OPCML: variants seen among roughly 807,000 people sequenced by gnomAD.
OPCML encodes opioid-binding protein/cell adhesion molecule.
In OPCML, 13 loss-of-function variants were observed where a neutral mutation model predicts 37.8. The ratio of observed to expected loss-of-function variants is 0.34; its 90% CI spans 0.22 to 0.55. The LOEUF is 0.55. OPCML is among the 20% of genes least tolerant of loss of function. The pLI, the probability that OPCML is intolerant of heterozygous loss-of-function variation, is 0.91. For synonymous variants in OPCML, 176 were observed against 168.8 expected, an observed-to-expected ratio of 1.04 and a Z score of -0.33; for missense variants, 341 against 435.6, an observed-to-expected ratio of 0.78 and a Z score of 1.93.
intron 3 of OPCML, among the ~76,000 whole-genome samples, chr11:132,562,620 C>A (rs534630851): frequency 1.3e-5 from 2 of 151,946 alleles, no homozygotes; most frequent in African/African-American, 4.8e-5. Context: ...GTGTTTAATA[C>A]CCCAGTGTGC....
intron 2 of OPCML, among the ~76,000 whole-genome samples, chr11:132,864,197 C>T (rs552974074): frequency 2.6e-5 from 4 of 152,308 alleles, no homozygotes; most frequent in South Asian, 2.1e-4. Flanking sequence ...CTCGGCCTCT[C>T]ATAGTGCTGG....
chr11:132,444,483 C>G (rs1285605265), intron 4 of OPCML, among the ~76,000 whole-genome samples: 1 of 152,186 alleles, frequency 6.6e-6, no homozygotes, highest in Non-Finnish European at 1.5e-5. Flanking sequence ...TAACCTGAGT[C>G]TTGTACTGTT....
At chr11:133,189,499 T>C (rs1403907937) in intron 1 of OPCML, among the ~76,000 whole-genome samples, 1 of 152,200 alleles carries the variant, frequency 6.6e-6, no homozygotes, top group Non-Finnish European at 1.5e-5. Context: ...AGTTAAATCT[T>C]ACCTGATAAA....
intron 4 of OPCML, among the ~76,000 whole-genome samples, chr11:132,521,530 T>A (rs962474080): frequency 1.4e-4 from 21 of 151,636 alleles, no homozygotes; most frequent in Non-Finnish European, 1.2e-4. Flanking sequence ...CTCAGCAAAC[T>A]AACACAGGAA....
rs758753834 is a variant in OPCML, at chr11:133,532,335, C to T, written c.-11G>A. On this transcript the variant is annotated 5_prime_UTR_variant, in exon 1 of 8. Coordinates refer to ENST00000524381, the MANE Select transcript of OPCML (RefSeq NM_001012393.5). Reference sequence around the variant, plus strand: ...GGCAGGATGGTACATCTCGACGCTGCGGTGCTCTCAGCTGCCGGGCTTGCT... The same window carrying T: ...GGCAGGATGGTACATCTCGACGCTGTGGTGCTCTCAGCTGCCGGGCTTGCT... The T allele has an allele frequency of 5.0e-6, 8 of 1,612,500 alleles. No individual in the cohort carries two copies. The highest frequency in any genetic ancestry group is 1.3e-5 in the African/African-American group (1 of 74,872).
intron 2 of OPCML, among the ~76,000 whole-genome samples, chr11:132,834,608 C>T (rs1940903290): frequency 9.9e-5 from 15 of 152,210 alleles, no homozygotes. Flanking sequence ...AGACTGTCTT[C>T]CCTCTGAGTC....
chr11:132,538,543 A>G (rs756432638), intron 3 of OPCML, among the ~76,000 whole-genome samples: 2 of 152,190 alleles, frequency 1.3e-5, no homozygotes, highest in Non-Finnish European at 2.9e-5. Flanking sequence ...TTAATAAAGG[A>G]CTAATTTTAT....
At position 133,468,545 on chromosome 11, in the gene OPCML, ACT is replaced by A. The variant is rs546294479; in HGVS notation, c.61+63717_61+63718del. ...GAAGGGTGTCAGGTCCAGATGACTGACTCTGATGAGCTCTCAGAACCAGATTT... is the reference window on the plus strand; with the variant it reads ...GAAGGGTGTCAGGTCCAGATGACTGACTGATGAGCTCTCAGAACCAGATTT... On this transcript the variant is annotated intron_variant, in intron 1 of 7. Coordinates refer to ENST00000524381, the MANE Select transcript of OPCML (RefSeq NM_001012393.5). Among the ~76,000 whole-genome samples the A allele has an allele frequency of 3.3e-5, 5 of 152,250 alleles. No individual in the cohort carries two copies. In the South Asian group the frequency reaches 1.0e-3, roughly 32 times the overall value.
intron 1 of OPCML, among the ~76,000 whole-genome samples, chr11:133,262,562 C>G (rs1258644329): frequency 2.0e-5 from 3 of 152,190 alleles, no homozygotes; most frequent in African/African-American, 7.2e-5. Context: ...TAAAATCACA[C>G]AGCAGTGAGC....
chr11:133,255,684 G>A (rs1279329095), intron 1 of OPCML, among the ~76,000 whole-genome samples: 1 of 152,068 alleles, frequency 6.6e-6, no homozygotes, highest in Non-Finnish European at 1.5e-5. Flanking sequence ...AAATACAAAT[G>A]GCAAGCTGGT....
At chr11:132,667,604 T>A (rs1942278471) in intron 2 of OPCML, among the ~76,000 whole-genome samples, 1 of 152,170 alleles carries the variant, frequency 6.6e-6, no homozygotes, top group African/African-American at 2.4e-5. Flanking sequence ...GGAAAGATGC[T>A]CTATCTGCTC....
intron 1 of OPCML, chr11:133,005,467 T>C: frequency 1.0e-6 from 1 of 985,396 alleles, no homozygotes; most frequent in Non-Finnish European, 1.2e-6. Flanking sequence ...TAGGTACTAG[T>C]TTTTCTCTGT....
At chr11:133,336,761 T>A (rs1943753220) in intron 1 of OPCML, among the ~76,000 whole-genome samples, 1 of 152,224 alleles carries the variant, frequency 6.6e-6, no homozygotes, top group African/African-American at 2.4e-5. Context: ...CTCTCTTTCC[T>A]TACTTCCTTA....
Position 133,004,733 on chromosome 11 carries a change from T to C in OPCML, c.62-61723A>G, listed in dbSNP as rs1023313362. The stretch of plus-strand genomic sequence containing the variant: ...TGACTTTAGCTGTCTACTGAGAAGG[T>C]TCACACCGGACGCGTGGATGGACGC... On this transcript the variant is annotated intron_variant, in intron 1 of 7. Transcript: ENST00000524381. 18 of 985,262 alleles carry C rather than the reference T, an allele frequency of 1.8e-5. No individual in the cohort carries two copies. The African/African-American group carries it at 2.8e-4, about 15-fold the overall frequency. The allele number at this position is 985,262 out of a possible 1,614,324, so 61.0% of individuals were successfully genotyped here. A position where few individuals can be genotyped will look rare whatever the true frequency, so the allele number is the denominator to read the frequency against.
intron 2 of OPCML, among the ~76,000 whole-genome samples, chr11:132,921,982 C>A (rs1008834452): frequency 1.3e-5 from 2 of 151,958 alleles, no homozygotes; most frequent in Admixed American, 1.3e-4. Flanking sequence ...CAGGTTCAAG[C>A]GATTCTCCTG....
At chr11:133,186,605 G>C (rs1938088222) in intron 1 of OPCML, among the ~76,000 whole-genome samples, 1 of 152,054 alleles carries the variant, frequency 6.6e-6, no homozygotes, top group South Asian at 2.1e-4. Flanking sequence ...CTCACTCCTG[G>C]GTTCCTTCCA....
chr11:132,562,977 T>C lies in OPCML; in HGVS notation c.380-33791A>G, dbSNP rs377242713. 1.2e-3 allele frequency among the ~76,000 whole-genome samples: 178 copies of C among 152,222 alleles called. 1 individual carries two copies. Among genetic ancestry groups the C allele is most frequent in the African/African-American group, 4.2e-3 (173 of 41,534 alleles). On this transcript the variant is annotated intron_variant, in intron 3 of 7. Transcript: ENST00000524381. Reference sequence around the variant, plus strand: ...AGGTCAGTAAGACATTAATAGGCAATGTTACTCCATAAACCTTGTTGTGTT... The same window carrying C: ...AGGTCAGTAAGACATTAATAGGCAACGTTACTCCATAAACCTTGTTGTGTT...
At chr11:132,902,913 G>T (rs558784723) in intron 2 of OPCML, among the ~76,000 whole-genome samples, 20 of 151,832 alleles carry the variant, frequency 1.3e-4, no homozygotes, top group Non-Finnish European at 2.5e-4. Context: ...GACTTTATCT[G>T]CATAATAAGA....
chr11:133,463,177 C>CA (rs531526248), intron 1 of OPCML, among the ~76,000 whole-genome samples: 6,690 of 92,966 alleles, frequency 0.072, 283 homozygotes, highest in African/African-American at 0.17. Context: ...GTTAAAAAAA[C>CA]AAAAAAAAAA....
Sources: allele counts gnomAD v4.1 joint callset (sites outside exome capture counted in the v4.1 genomes callset), GRCh38; gene constraint gnomAD v4.1.1; transcripts MANE v1.5; gene names NCBI Gene and HGNC (gene_info 2026-07-23, HGNC 2026-07-21).